EYS: variants seen among roughly 807,000 people sequenced by gnomAD.
EYS encodes EGF-like photoreceptor maintenance factor.
In EYS, 250 loss-of-function variants were observed where a neutral mutation model predicts 282.1. The ratio of observed to expected loss-of-function variants is 0.89; its 90% CI spans 0.80 to 0.98. The LOEUF is 0.98. Among genes scored for constraint, EYS ranks in the 50% least tolerant of loss-of-function variants. The pLI, the probability that EYS is intolerant of heterozygous loss-of-function variation, is 0.00. For missense variants in EYS, 4,016 were observed against 3,709.0 expected, an observed-to-expected ratio of 1.08 and a Z score of -2.15; for synonymous variants, 1,355 against 1,282.9, an observed-to-expected ratio of 1.06 and a Z score of -1.20.
intron 18 of EYS, among the ~76,000 whole-genome samples, chr6:64,896,243 T>A (rs1201413519): frequency 6.6e-6 from 1 of 151,998 alleles, no homozygotes; most frequent in Admixed American, 6.6e-5. Context: ...CCAGTTCATC[T>A]CCCTGGTACT....
chr6:65,694,506 C>T (rs948798551), intron 1 of EYS, among the ~76,000 whole-genome samples: 1 of 149,036 alleles, frequency 6.7e-6, no homozygotes, highest in Non-Finnish European at 1.5e-5. Context: ...AACTAAATTA[C>T]TCCTTCTTGA....
chr6:63,933,111 G>T (rs1220589604), intron 35 of EYS, among the ~76,000 whole-genome samples: 1 of 152,228 alleles, frequency 6.6e-6, no homozygotes, highest in Non-Finnish European at 1.5e-5. Flanking sequence ...AAAGGGGCAT[G>T]GAGCTTCCAT....
intron 15 of EYS, among the ~76,000 whole-genome samples, chr6:64,926,672 G>A (rs1473534701): frequency 6.6e-6 from 1 of 152,066 alleles, no homozygotes; most frequent in Non-Finnish European, 1.5e-5. Flanking sequence ...TAACTCTTAT[G>A]TTGATCTCCC....
intron 14 of EYS, among the ~76,000 whole-genome samples, chr6:64,980,571 A>G (rs4637621): frequency 0.95 from 144,523 of 151,342 alleles, 69,095 homozygotes; most frequent in African/African-American, 0.99. Context: ...TTGCTTTAAT[A>G]TAGCTGTATT....
chr6:65,700,360 C>T (rs192611684), intron 1 of EYS, among the ~76,000 whole-genome samples: 1 of 152,002 alleles, frequency 6.6e-6, no homozygotes, highest in African/African-American at 2.4e-5. Context: ...GAAACAGAGT[C>T]TGCAAGAGCT....
At chr6:64,478,880 A>T (rs1433373907) in intron 26 of EYS, among the ~76,000 whole-genome samples, 1 of 151,634 alleles carries the variant, frequency 6.6e-6, no homozygotes, top group Non-Finnish European at 1.5e-5. Flanking sequence ...ATTTCATTGA[A>T]ATAGTCTATT....
chr6:63,855,119 G>A (rs1332691133), intron 36 of EYS, among the ~76,000 whole-genome samples: 1 of 152,216 alleles, frequency 6.6e-6, no homozygotes, highest in Admixed American at 6.5e-5. Context: ...TTTTTACTGT[G>A]CTACCGCACA....
chr6:65,420,200 T>C (rs1336945838), intron 5 of EYS, among the ~76,000 whole-genome samples: 9 of 151,954 alleles, frequency 5.9e-5, no homozygotes. Flanking sequence ...TTGCCCACAA[T>C]AGAACTTTTT....
intron 31 of EYS, among the ~76,000 whole-genome samples, chr6:64,197,811 T>A (rs980184509): frequency 2.6e-5 from 4 of 151,730 alleles, no homozygotes; most frequent in African/African-American, 9.7e-5. Context: ...TCTTTACACC[T>A]TTATTTTTAA....
At chr6:65,452,950 A>C (rs2150403195) in intron 5 of EYS, among the ~76,000 whole-genome samples, 1 of 152,152 alleles carries the variant, frequency 6.6e-6, no homozygotes, top group Admixed American at 6.5e-5. Context: ...AAAGACATGA[A>C]GGACATTAGA....
chr6:64,736,374 T>A (rs1320502957), intron 22 of EYS, among the ~76,000 whole-genome samples: 1 of 152,156 alleles, frequency 6.6e-6, no homozygotes, highest in East Asian at 1.9e-4. Flanking sequence ...CCTAGAATAT[T>A]TTAGATATAT....
chr6:65,378,168 A>T (rs1196426058), intron 8 of EYS, among the ~76,000 whole-genome samples: 1 of 152,206 alleles, frequency 6.6e-6, no homozygotes, highest in East Asian at 1.9e-4. Context: ...ATGTACAAAG[A>T]ACTTAAACAA....
chr6:64,020,766 T>G (rs902814562), intron 33 of EYS, among the ~76,000 whole-genome samples: 2 of 152,230 alleles, frequency 1.3e-5, no homozygotes, highest in South Asian at 2.1e-4. Flanking sequence ...TTTTCCATGG[T>G]GGGTTATGTT....
intron 1 of EYS, among the ~76,000 whole-genome samples, chr6:65,688,833 C>A (rs1375617178): frequency 6.6e-6 from 1 of 151,820 alleles, no homozygotes; most frequent in South Asian, 2.1e-4. Context: ...GATACCATCT[C>A]ACACCAGTTA....
chr6:63,912,935 C>G (rs1404385739), intron 35 of EYS, among the ~76,000 whole-genome samples: 1 of 152,122 alleles, frequency 6.6e-6, no homozygotes, highest in African/African-American at 2.4e-5. Context: ...ATAAATTACC[C>G]AGTGTCAGGA....
At chr6:64,845,322 A>G (rs1041938470) in intron 19 of EYS, among the ~76,000 whole-genome samples, 6 of 151,982 alleles carry the variant, frequency 3.9e-5, no homozygotes, top group Non-Finnish European at 8.8e-5. Flanking sequence ...TTTAAAATAT[A>G]TAATTAGAAT....
chr6:65,365,758 C>A (rs1033529909), intron 8 of EYS, among the ~76,000 whole-genome samples: 1 of 151,590 alleles, frequency 6.6e-6, no homozygotes, highest in Non-Finnish European at 1.5e-5. Context: ...AAAGATTTCA[C>A]CAAAACTTAC....
chr6:64,551,898 T>C (rs1765095290), intron 26 of EYS, among the ~76,000 whole-genome samples: 1 of 152,184 alleles, frequency 6.6e-6, no homozygotes, highest in South Asian at 2.1e-4. Context: ...TGATCGCCAT[T>C]CTAACTGATA....
chr6:65,387,172 A>T (rs1765831433), intron 7 of EYS, among the ~76,000 whole-genome samples: 1 of 151,766 alleles, frequency 6.6e-6, no homozygotes, highest in Non-Finnish European at 1.5e-5. Context: ...AATTAGCTTT[A>T]TTTCTTGGAC....
Sources: allele counts gnomAD v4.1 joint callset (sites outside exome capture counted in the v4.1 genomes callset), GRCh38; gene constraint gnomAD v4.1.1; transcripts MANE v1.5; gene names NCBI Gene and HGNC (gene_info 2026-07-23, HGNC 2026-07-21).